EYS: variants seen among roughly 807,000 people sequenced by gnomAD.
The protein encoded by EYS is EGF-like photoreceptor maintenance factor.
EYS carries 250 observed loss-of-function variants against 282.1 expected under a neutral mutation model. The observed-to-expected ratio is 0.89, with a 90% CI of 0.80 to 0.98. The LOEUF (loss-of-function observed/expected upper bound fraction) is 0.98. Ranked by LOEUF, EYS falls within the 50% of genes least tolerant of loss-of-function variation. The pLI, the probability that EYS is intolerant of heterozygous loss-of-function variation, is 0.00. For synonymous variants in EYS, 1,355 were observed against 1,282.9 expected (o/e 1.06, Z -1.20); for missense variants, 4,016 against 3,709.0 (o/e 1.08, Z -2.15).
intron 2 of EYS, among the ~76,000 whole-genome samples, chr6:65,509,001 C>G (rs1766766114): frequency 6.6e-6 from 1 of 152,096 alleles, no homozygotes. Flanking sequence ...GGGAGATTCT[C>G]CCTCACACAA....
intron 5 of EYS, among the ~76,000 whole-genome samples, chr6:65,438,239 C>A (rs1768159484): frequency 6.6e-6 from 1 of 152,010 alleles, no homozygotes; most frequent in African/African-American, 2.4e-5. Flanking sequence ...GCCACATTTT[C>A]TTAATCCAGT....
At chr6:65,224,063 C>T (rs565057) in intron 12 of EYS, among the ~76,000 whole-genome samples, 3,268 of 152,206 alleles carry the variant, frequency 0.021, 109 homozygotes, top group African/African-American at 0.075. Flanking sequence ...CACTACAAAC[C>T]AGACCTAACA....
At chr6:63,963,589 G>A (rs1766178165) in intron 35 of EYS, among the ~76,000 whole-genome samples, 1 of 152,128 alleles carries the variant, frequency 6.6e-6, no homozygotes, top group Non-Finnish European at 1.5e-5. Flanking sequence ...GGGTCTGGGC[G>A]AGGGGACAGC....
At chr6:65,248,960 G>C (rs561810467) in intron 12 of EYS, among the ~76,000 whole-genome samples, 1 of 151,774 alleles carries the variant, frequency 6.6e-6, no homozygotes, top group African/African-American at 2.4e-5. Flanking sequence ...CCTTTGTGGA[G>C]CTCAGACTGT....
intron 35 of EYS, among the ~76,000 whole-genome samples, chr6:63,889,987 C>G (rs561857389): frequency 6.6e-6 from 1 of 152,076 alleles, no homozygotes; most frequent in East Asian, 1.9e-4. Flanking sequence ...ATAAAACAGA[C>G]TTTAAACCAA....
chr6:64,125,154 G>GCGCGCGCGCGCGC (rs1773724746), intron 31 of EYS, among the ~76,000 whole-genome samples: 1 of 145,264 alleles, frequency 6.9e-6, no homozygotes, highest in African/African-American at 2.6e-5. Flanking sequence ...CACACTCTCT[G>GCGCGCGCGCGCGC]TCTCTCTCTC....
At chr6:63,924,337 G>A (rs1764655260) in intron 35 of EYS, among the ~76,000 whole-genome samples, 1 of 152,156 alleles carries the variant, frequency 6.6e-6, no homozygotes, top group Non-Finnish European at 1.5e-5. Context: ...AGCTACCCTT[G>A]AAATGCTTCG....
chr6:64,293,371 A>T (rs76809292), intron 30 of EYS, among the ~76,000 whole-genome samples: 4,553 of 152,192 alleles, frequency 0.03, 217 homozygotes, highest in African/African-American at 0.1. Context: ...GACATTAATG[A>T]TATTTTGAGA....
chr6:64,331,218 C>T (rs1376281881), intron 29 of EYS, among the ~76,000 whole-genome samples: 4 of 152,114 alleles, frequency 2.6e-5, no homozygotes, highest in East Asian at 3.9e-4. Flanking sequence ...CATTTGCATG[C>T]CCATGGAGCC....
chr6:63,862,395 G>A (rs769614451), intron 36 of EYS, among the ~76,000 whole-genome samples: 14 of 151,650 alleles, frequency 9.2e-5, no homozygotes, highest in African/African-American at 1.7e-4. Context: ...AAATTCTTCC[G>A]GATGGGTGCA....
intron 31 of EYS, among the ~76,000 whole-genome samples, chr6:64,177,673 A>C (rs560583517): frequency 6.6e-6 from 1 of 152,226 alleles, no homozygotes; most frequent in South Asian, 2.1e-4. Flanking sequence ...GTGCTGTAAG[A>C]GCCCTGTGTG....
intron 5 of EYS, among the ~76,000 whole-genome samples, chr6:65,457,394 G>C (rs1413862773): frequency 2.0e-5 from 3 of 151,856 alleles, no homozygotes; most frequent in Admixed American, 2.0e-4. Context: ...CAAATTCCTG[G>C]CCTCAAGCAA....
intron 12 of EYS, among the ~76,000 whole-genome samples, chr6:65,184,445 C>G (rs1765468552): frequency 6.6e-6 from 1 of 151,676 alleles, no homozygotes; most frequent in Admixed American, 6.6e-5. Flanking sequence ...TCCCTTCTCC[C>G]AATACTATAA....
intron 12 of EYS, among the ~76,000 whole-genome samples, chr6:65,201,957 CA>C (rs1281642282): frequency 6.6e-6 from 1 of 151,824 alleles, no homozygotes; most frequent in Non-Finnish European, 1.5e-5. Flanking sequence ...TACATAAATA[CA>C]AAAATAAGCT....
At chr6:64,899,620 C>G (rs1423240769) in intron 18 of EYS, among the ~76,000 whole-genome samples, 1 of 152,052 alleles carries the variant, frequency 6.6e-6, no homozygotes, top group Non-Finnish European at 1.5e-5. Flanking sequence ...TGAGTAAACT[C>G]TCATTCATAA....
At chr6:65,539,072 T>C (rs747659526) in intron 2 of EYS, among the ~76,000 whole-genome samples, 4 of 152,218 alleles carry the variant, frequency 2.6e-5, no homozygotes, top group Non-Finnish European at 5.9e-5. Context: ...TTAAAGTGTT[T>C]ATTATTTTAT....
chr6:65,349,704 A>T (rs1770528785), intron 9 of EYS, among the ~76,000 whole-genome samples: 1 of 151,516 alleles, frequency 6.6e-6, no homozygotes, highest in Admixed American at 6.6e-5. Flanking sequence ...CACTGGCAAA[A>T]GTAAACACAT....
intron 30 of EYS, among the ~76,000 whole-genome samples, chr6:64,300,003 T>C (rs6929195): frequency 0.03 from 4,534 of 152,242 alleles, 210 homozygotes; most frequent in African/African-American, 0.1. Flanking sequence ...GAGGTTTGCC[T>C]GAGTCCCCTC....
chr6:64,955,400 T>C (rs917624425), intron 14 of EYS, among the ~76,000 whole-genome samples: 6 of 152,056 alleles, frequency 3.9e-5, no homozygotes, highest in African/African-American at 1.4e-4. Context: ...ATCCATACTA[T>C]TGGGAGAGGA....
Sources: allele counts gnomAD v4.1 joint callset (sites outside exome capture counted in the v4.1 genomes callset), GRCh38; gene constraint gnomAD v4.1.1; transcripts MANE v1.5; gene names NCBI Gene and HGNC (gene_info 2026-07-23, HGNC 2026-07-21).